The following OXR1 variants were observed in gnomAD, a reference collection of about 807,000 sequenced individuals.
OXR1 encodes the protein oxidation resistance 1, also known as oxidation resistance protein 1.
In OXR1, 41 loss-of-function variants were observed where a neutral mutation model predicts 104.6. The ratio of observed to expected loss-of-function variants is 0.39; its 90% CI spans 0.31 to 0.51. OXR1 has a LOEUF of 0.51. OXR1 is among the 20% of genes least tolerant of loss of function. The probability of loss-of-function intolerance (pLI) is 0.77; values close to 1 mark genes in which losing one functional copy is unlikely to be tolerated. For synonymous variants in OXR1, 348 were observed against 348.4 expected, an observed-to-expected ratio of 1.00 and a Z score of 0.01; for missense variants, 955 against 1,031.9, an observed-to-expected ratio of 0.93 and a Z score of 1.02.
chr8:106,380,711 G>A (rs1817108218), intron 2 of OXR1, among the ~76,000 whole-genome samples: 1 of 152,052 alleles, frequency 6.6e-6, no homozygotes, highest in Non-Finnish European at 1.5e-5. Flanking sequence ...TACTTCCCTG[G>A]TGATTAATGA....
chr8:106,674,154 T>C (rs1478063201), intron 3 of OXR1, among the ~76,000 whole-genome samples: 2 of 152,186 alleles, frequency 1.3e-5, no homozygotes, highest in African/African-American at 2.4e-5. Context: ...AGGCACTCAA[T>C]GCCAGCTAGC....
intron 3 of OXR1, among the ~76,000 whole-genome samples, chr8:106,595,646 CTTGT>C (rs1347263376): frequency 6.6e-6 from 1 of 151,542 alleles, no homozygotes; most frequent in African/African-American, 2.4e-5. Flanking sequence ...CAGCATTTAT[CTTGT>C]TTGTTTGTTT....
At chr8:106,749,902 G>A (rs1432267895) in intron 16 of OXR1, among the ~76,000 whole-genome samples, 1 of 151,948 alleles carries the variant, frequency 6.6e-6, no homozygotes, top group Admixed American at 6.6e-5. Context: ...TAATCTATCT[G>A]TTAAGTTCCT....
At chr8:106,593,508 A>G (rs1363797476) in intron 3 of OXR1, among the ~76,000 whole-genome samples, 1 of 152,188 alleles carries the variant, frequency 6.6e-6, no homozygotes, top group Non-Finnish European at 1.5e-5. Context: ...GCCAGGCACG[A>G]TGGCTCATGC....
At chr8:106,313,815 A>C (rs1416752678) in intron 1 of OXR1, among the ~76,000 whole-genome samples, 3 of 152,186 alleles carry the variant, frequency 2.0e-5, no homozygotes, top group African/African-American at 7.2e-5. Context: ...TATCACACTC[A>C]ACATTGAATT....
chr8:106,278,932 A>C (rs962873653), intron 1 of OXR1, among the ~76,000 whole-genome samples: 6 of 152,142 alleles, frequency 3.9e-5, no homozygotes, highest in African/African-American at 1.4e-4. Flanking sequence ...TCAGTGTAGC[A>C]ATTGGTTTTT....
chr8:106,513,044 A>G (rs1812639576), intron 2 of OXR1, among the ~76,000 whole-genome samples: 1 of 152,142 alleles, frequency 6.6e-6, no homozygotes, highest in Non-Finnish European at 1.5e-5. Context: ...CTACTCAAAA[A>G]GTGATTTAGA....
At chr8:106,715,394 AAATATATAT>A (rs1347240905) in intron 11 of OXR1, among the ~76,000 whole-genome samples, 12 of 148,434 alleles carry the variant, frequency 8.1e-5, no homozygotes, top group Admixed American at 2.7e-4. Flanking sequence ...TACATATGTA[AAATATATAT>A]AATATATATA....
At chr8:106,669,652 TTAAA>T (rs561218093) in intron 3 of OXR1, among the ~76,000 whole-genome samples, 54 of 152,302 alleles carry the variant, frequency 3.5e-4, no homozygotes, top group Non-Finnish European at 6.6e-4. Flanking sequence ...GCTCAATGTT[TTAAA>T]TAGTCAAACT....
chr8:106,270,837 G>A (rs1380618294), intron 1 of OXR1, among the ~76,000 whole-genome samples: 1 of 152,154 alleles, frequency 6.6e-6, no homozygotes, highest in Admixed American at 6.5e-5. Flanking sequence ...GGTGGAAAGT[G>A]GGGCGCGTGG....
intron 2 of OXR1, among the ~76,000 whole-genome samples, chr8:106,450,814 C>T (rs192890316): frequency 6.6e-5 from 10 of 151,740 alleles, no homozygotes; most frequent in Admixed American, 5.2e-4. Flanking sequence ...GCTTTGGCAC[C>T]GATTGATAAT....
intron 1 of OXR1, among the ~76,000 whole-genome samples, chr8:106,323,215 G>T (rs1814301275): frequency 1.3e-5 from 2 of 152,230 alleles, no homozygotes; most frequent in African/African-American, 4.8e-5. Flanking sequence ...AGAGTAGAGA[G>T]CCCAGAAAGA....
intron 2 of OXR1, among the ~76,000 whole-genome samples, chr8:106,381,280 G>A (rs1000561616): frequency 1.2e-4 from 19 of 152,252 alleles, no homozygotes; most frequent in African/African-American, 4.3e-4. Flanking sequence ...GTGTGAGAGA[G>A]GAATGGAAAT....
At chr8:106,300,352 C>T (rs1396179049) in intron 1 of OXR1, among the ~76,000 whole-genome samples, 2 of 151,986 alleles carry the variant, frequency 1.3e-5, no homozygotes, top group Admixed American at 6.6e-5. Flanking sequence ...TTTTCTATGA[C>T]TACCTAAGAT....
chr8:106,726,369 T>G (rs1312009964), intron 11 of OXR1: 2 of 874,384 alleles, frequency 2.3e-6, no homozygotes, highest in Non-Finnish European at 3.4e-6. Flanking sequence ...GGTGACATTA[T>G]GAAAAATTAT....
intron 7 of OXR1, among the ~76,000 whole-genome samples, chr8:106,701,941 T>C (rs1196423723): frequency 1.3e-5 from 2 of 152,178 alleles, no homozygotes; most frequent in African/African-American, 4.8e-5. Flanking sequence ...AGGTTAAACT[T>C]TTAAGATTTG....
chr8:106,508,198 A>G (rs1246994878), intron 2 of OXR1, among the ~76,000 whole-genome samples: 1 of 152,176 alleles, frequency 6.6e-6, no homozygotes, highest in Non-Finnish European at 1.5e-5. Context: ...AGGTTTAGAG[A>G]ACATGTGGAG....
intron 3 of OXR1, among the ~76,000 whole-genome samples, chr8:106,591,310 G>A (rs1400169951): frequency 3.9e-5 from 4 of 101,590 alleles, no homozygotes; most frequent in African/African-American, 1.5e-4. Flanking sequence ...GGGGGGAGGG[G>A]GGAGGGATAG....
chr8:106,368,766 G>A (rs1343782794), intron 2 of OXR1, among the ~76,000 whole-genome samples: 4 of 152,170 alleles, frequency 2.6e-5, no homozygotes, highest in African/African-American at 9.7e-5. Context: ...ATTCCGTGGT[G>A]TATATGTACC....
Sources: gnomAD v4.1 joint callset for allele counts (sites outside exome capture counted in the v4.1 genomes callset) on GRCh38, gnomAD v4.1.1 for gene constraint, MANE v1.5 for transcripts, NCBI Gene and HGNC (gene_info 2026-07-23, HGNC 2026-07-21) for gene names.